The following LEMD1 variants were observed in gnomAD, a reference collection of about 807,000 sequenced individuals.
LEMD1 encodes LEM domain containing 1.
LEMD1 carries 18 observed loss-of-function variants against 17.4 expected under a neutral mutation model. The ratio of observed to expected loss-of-function variants is 1.04; its 90% CI spans 0.72 to 1.54. The LOEUF (loss-of-function observed/expected upper bound fraction) is 1.54, where lower values mean the gene tolerates loss of function less well. Among genes scored for constraint, LEMD1 ranks in the 40% most tolerant of loss-of-function variants. The pLI is 0.00. For missense variants in LEMD1, 195 were observed against 210.4 expected, an observed-to-expected ratio of 0.93 and a Z score of 0.45; for synonymous variants, 88 against 77.8, an observed-to-expected ratio of 1.13 and a Z score of -0.69.
intron 5 of LEMD1, 95 bp downstream of exon 5, chr1:205,384,193 G>A (rs1047387391): frequency 5.8e-6 from 4 of 685,702 alleles, no homozygotes; most frequent in African/African-American, 5.7e-5. Context: ...TTCTTTTCAG[G>A]CTAAACCCTT....
intron 4 of LEMD1, among the ~76,000 whole-genome samples, chr1:205,413,408 C>G (rs537274746): frequency 6.6e-6 from 1 of 152,104 alleles, no homozygotes; most frequent in East Asian, 1.9e-4. Flanking sequence ...CCTACCTCAG[C>G]CTCCTGAGTA....
At chr1:205,392,453 GAT>G (rs1664389261) in intron 4 of LEMD1, among the ~76,000 whole-genome samples, 1 of 151,774 alleles carries the variant, frequency 6.6e-6, no homozygotes, top group Admixed American at 6.6e-5. Flanking sequence ...GAGGCAGGAG[GAT>G]CGTTTGAGCC....
At chr1:205,445,404 C>T (rs567824835) in intron 1 of LEMD1, among the ~76,000 whole-genome samples, 4 of 152,338 alleles carry the variant, frequency 2.6e-5, no homozygotes, top group East Asian at 3.9e-4. Context: ...GGGAGAAGCC[C>T]GCATTCTCCT....
intron 1 of LEMD1, among the ~76,000 whole-genome samples, chr1:205,444,794 G>A (rs1666355358): frequency 6.6e-6 from 1 of 152,044 alleles, no homozygotes; most frequent in Non-Finnish European, 1.5e-5. Flanking sequence ...TGATAAACAA[G>A]AAGAGGGATA....
At chr1:205,412,019 CATTTGCCCCT>C (rs1359089356) in intron 4 of LEMD1, among the ~76,000 whole-genome samples, 1 of 152,182 alleles carries the variant, frequency 6.6e-6, no homozygotes, top group African/African-American at 2.4e-5. Flanking sequence ...AACCCAGGAC[CATTTGCCCCT>C]ATTTGCCCAA....
Position 205,416,232 on chromosome 1 carries a change from T to A in LEMD1, c.270A>T (p.Lys90Asn), listed in dbSNP as rs1266588980. The change falls in exon 4 of 6, where the codon AAA becomes AAT. Residue 90 changes from lysine (K) to asparagine (N), a missense_variant and splice_region_variant. Lys to Asn is a moderately conservative substitution (Grantham distance 94). Transcript: ENST00000367153. Reference protein sequence around the residue: ...LSTEKSKKLKKWPEASTTKRK... With the variant: ...LSTEKSKKLKNWPEASTTKRK... Reference sequence around the variant, plus strand: ...ATTCAGGCATTAGAATGGTACATACTTTTTTGAGTTTCTTGCTTTTTTCTG... The same window carrying A: ...ATTCAGGCATTAGAATGGTACATACATTTTTGAGTTTCTTGCTTTTTTCTG... The A allele has an allele frequency of 6.5e-7, 1 of 1,533,278 alleles. No individual in the cohort carries two copies. The highest frequency in any genetic ancestry group is 1.4e-5 in the African/African-American group (1 of 72,644). The allele number at this position is 1,533,278 out of a possible 1,614,324, so 95.0% of individuals were successfully genotyped here.
chr1:205,394,812 C>A (rs1664512907), intron 4 of LEMD1, among the ~76,000 whole-genome samples: 1 of 151,956 alleles, frequency 6.6e-6, no homozygotes, highest in Non-Finnish European at 1.5e-5. Flanking sequence ...CGTGGTGAAA[C>A]CCTGTCTCTA....
chr1:205,421,577 G>A (rs1665961177), intron 1 of LEMD1, among the ~76,000 whole-genome samples: 1 of 152,110 alleles, frequency 6.6e-6, no homozygotes, highest in Admixed American at 6.5e-5. Flanking sequence ...GGGTTGTTCT[G>A]GAATACCTAG....
chr1:205,409,330 T>C (rs908595336), intron 4 of LEMD1, among the ~76,000 whole-genome samples: 3 of 152,240 alleles, frequency 2.0e-5, no homozygotes, highest in Admixed American at 2.0e-4. Flanking sequence ...TCACTAAGTA[T>C]GTTGTGTTGT....
Position 205,391,946 on chromosome 1 carries a change from G to GAA in LEMD1, c.271-7584_271-7583dup, listed in dbSNP as rs60047814. Reference sequence around the variant, plus strand: ...AACGTGGTGAAACCTCGTCTCTACCGAAAAAAAAAAAAAAAAAAGCCGGGC... The same window carrying GAA: ...AACGTGGTGAAACCTCGTCTCTACCGAAAAAAAAAAAAAAAAAAAAGCCGGGC... On this transcript the variant is annotated intron_variant, in intron 4 of 5. Coordinates refer to ENST00000367153, the MANE Select transcript of LEMD1 (RefSeq NM_001199050.2). Among the ~76,000 whole-genome samples, 490 of 109,982 alleles carry GAA rather than the reference G, an allele frequency of 4.5e-3. 4 individuals carry two copies. The highest frequency in any genetic ancestry group is 0.014 in the African/African-American group (458 of 32,448). 72.2% of individuals were successfully genotyped at this position (109,982 alleles called of 152,430 possible). A position where few individuals can be genotyped will look rare whatever the true frequency, so the allele number is the denominator to read the frequency against.
At position 205,381,802 on chromosome 1, in the gene LEMD1, C is replaced by G. The variant is rs1011067326; in HGVS notation, c.402G>C (p.Glu134Asp). The change falls in exon 6 of 6, where the codon GAG becomes GAC. Residue 134 changes from glutamate to aspartate, a missense_variant. Coordinates refer to ENST00000367153, the MANE Select transcript of LEMD1 (RefSeq NM_001199050.2). ...TRITYGTITK[E>D]RDYCAEDQTI... ...TCTGGTCTTCCGCGCAGTAGTCTCT[C>G]TCTTTGGTGATAGTCCCATATGTGA... 1 of 1,614,070 alleles carries G rather than the reference C, an allele frequency of 6.2e-7. No homozygotes were observed. The highest frequency in any genetic ancestry group is 8.5e-7 in the Non-Finnish European group (1 of 1,180,042).
chr1:205,403,957 G>A (rs1664971900), intron 4 of LEMD1, among the ~76,000 whole-genome samples: 1 of 151,992 alleles, frequency 6.6e-6, no homozygotes, highest in Non-Finnish European at 1.5e-5. Context: ...ATTTTGTTAT[G>A]TACCCAGTAG....
intron 4 of LEMD1, among the ~76,000 whole-genome samples, chr1:205,392,893 C>A (rs1467326716): frequency 1.3e-5 from 2 of 152,254 alleles, no homozygotes; most frequent in African/African-American, 4.8e-5. Context: ...CTAAAGAAAT[C>A]CATGCCAAGA....
intron 4 of LEMD1, among the ~76,000 whole-genome samples, chr1:205,390,065 C>T (rs1664256066): frequency 1.3e-5 from 2 of 152,068 alleles, no homozygotes; most frequent in South Asian, 2.1e-4. Context: ...TTTAAAAAAT[C>T]TTCTAGCAAC....
Position 205,436,689 on chromosome 1 carries a change from G to C in LEMD1, c.-39+13179C>G, listed in dbSNP as rs544560560. ...TCCTTGGGAACAGATTCTGTTTCTT[G>C]GTTCTTGTGGTACTGTCAGCTTGAT... On this transcript the variant is annotated intron_variant, in intron 1 of 3. Coordinates refer to the LEMD1 transcript ENST00000367154. 8 of 152,312 alleles carry C rather than the reference G, an allele frequency of 5.3e-5. No individual in the cohort carries two copies. In the South Asian group the frequency reaches 1.0e-3, roughly 20 times the overall value. The allele number at this position is 152,312 out of a possible 1,614,324, so 9.4% of individuals were successfully genotyped here.
chr1:205,419,490 G>C, intron 2 of LEMD1, 138 bp from the exon 3 acceptor site: 6 of 950,902 alleles, frequency 6.3e-6, no homozygotes, highest in Non-Finnish European at 9.4e-6. Context: ...ATTTGAGACA[G>C]GGTCTCACTG....
At chr1:205,445,416 G>C (rs1291784316) in intron 1 of LEMD1, among the ~76,000 whole-genome samples, 1 of 152,226 alleles carries the variant, frequency 6.6e-6, no homozygotes, top group Non-Finnish European at 1.5e-5. Flanking sequence ...CATTCTCCTT[G>C]GAGGTTAACT....
intron 3 of LEMD1, among the ~76,000 whole-genome samples, chr1:205,417,953 C>T (rs752271238): frequency 6.6e-6 from 1 of 152,020 alleles, no homozygotes; most frequent in Admixed American, 6.6e-5. Context: ...TCTCAGTTCT[C>T]TCACTTTCTT....
intron 1 of LEMD1, among the ~76,000 whole-genome samples, chr1:205,446,520 G>A (rs1666391896): frequency 6.6e-6 from 1 of 152,246 alleles, no homozygotes; most frequent in African/African-American, 2.4e-5. Context: ...CCTAGGCTGA[G>A]CCCAGTGCTG....
Sources: allele counts gnomAD v4.1 joint callset (sites outside exome capture counted in the v4.1 genomes callset), GRCh38; gene constraint gnomAD v4.1.1; transcripts MANE v1.5; gene names NCBI Gene and HGNC (gene_info 2026-07-23, HGNC 2026-07-21).